CPVL: variants seen among roughly 807,000 people sequenced by gnomAD.
CPVL encodes carboxypeptidase vitellogenic like, also known as probable serine carboxypeptidase CPVL.
A neutral mutation model predicts 63.7 loss-of-function variants in CPVL; 51 were observed. The observed-to-expected ratio is 0.80, with a 90% CI of 0.64 to 1.01. The LOEUF (loss-of-function observed/expected upper bound fraction) is 1.01. Ranked by LOEUF, CPVL falls within the 50% of genes least tolerant of loss-of-function variation. CPVL has a pLI of 0.00. For missense variants in CPVL, 530 were observed against 573.1 expected, an observed-to-expected ratio of 0.92 and a Z score of 0.77; for synonymous variants, 195 against 206.0, an observed-to-expected ratio of 0.95 and a Z score of 0.46.
chr7:29,077,005 T>C (rs1024927364), intron 7 of CPVL, among the ~76,000 whole-genome samples: 2 of 152,194 alleles, frequency 1.3e-5, no homozygotes, highest in Admixed American at 1.3e-4. Context: ...CACAATGAAA[T>C]TGGATGTAGA....
intron 5 of CPVL, among the ~76,000 whole-genome samples, chr7:29,163,950 G>C (rs1289798693): frequency 1.3e-5 from 2 of 152,184 alleles, no homozygotes; most frequent in African/African-American, 4.8e-5. Context: ...CCCAGCTTTT[G>C]ACTATTACAA....
intron 1 of CPVL, among the ~76,000 whole-genome samples, chr7:29,125,826 A>G (rs1405991738): frequency 6.6e-6 from 1 of 152,232 alleles, no homozygotes; most frequent in Non-Finnish European, 1.5e-5. Flanking sequence ...TAAACAAATG[A>G]ATAAAAAGAA....
chr7:29,096,367 C>T, intron 3 of CPVL, 150 bp from the exon 4 acceptor site: 1 of 644,638 alleles, frequency 1.6e-6, no homozygotes, highest in Non-Finnish European at 2.8e-6. Context: ...CCACTCTCCA[C>T]TATGAGCAAA....
intron 12 of CPVL, among the ~76,000 whole-genome samples, chr7:29,024,355 G>A (rs990430371): frequency 7.2e-5 from 11 of 152,164 alleles, no homozygotes; most frequent in Admixed American, 3.3e-4. Context: ...ACACCATAAA[G>A]CAGGCAACCA....
At chr7:29,027,611 G>A (rs1005451127) in intron 12 of CPVL, among the ~76,000 whole-genome samples, 1 of 151,974 alleles carries the variant, frequency 6.6e-6, no homozygotes, top group Non-Finnish European at 1.5e-5. Flanking sequence ...TTTTAGAACT[G>A]ATAAATGAAT....
chr7:29,047,488 A>C (rs1386016243), intron 11 of CPVL, among the ~76,000 whole-genome samples: 1 of 152,170 alleles, frequency 6.6e-6, no homozygotes, highest in Non-Finnish European at 1.5e-5. Flanking sequence ...AGCAAAGATA[A>C]ATTTTTAAAA....
chr7:29,141,318 G>C (rs1791851633), intron 1 of CPVL, among the ~76,000 whole-genome samples: 1 of 152,206 alleles, frequency 6.6e-6, no homozygotes, highest in Admixed American at 6.5e-5. Flanking sequence ...TTGGGAGGCT[G>C]AGGTGGGCGG....
In CPVL at chr7:29,033,990, C is replaced by A. The variant is rs527402134; in HGVS notation, c.1138-3231G>T. Among the ~76,000 whole-genome samples, 15 of 152,260 alleles carry A rather than the reference C, an allele frequency of 9.9e-5. No homozygotes were observed. In the South Asian group the frequency reaches 3.1e-3, roughly 32 times the overall value. On this transcript the variant is annotated intron_variant, in intron 11 of 12. Transcript: ENST00000265394. ...TCACATATTTAAAAATGCTTCAAAC[C>A]TGGGGAAAGAACAAATCAAAATACA...
At position 29,095,068 on chromosome 7, in the gene CPVL, G is replaced by T. The variant is rs1365221289; in HGVS notation, c.462+16C>A. On this transcript the variant is annotated intron_variant, in intron 5 of 12. Coordinates refer to ENST00000265394, the MANE Select transcript of CPVL (RefSeq NM_031311.5). ...GACGCCAGCACTGACAGCTCACAGG[G>T]TCATCCCGGACTTACTGGATTGTCA... 3 of 1,607,790 alleles carry T rather than the reference G, an allele frequency of 1.9e-6. No individual in the cohort carries two copies. The highest frequency in any genetic ancestry group is 2.6e-6 in the Non-Finnish European group (3 of 1,174,280).
At chr7:29,081,074 T>A (rs188964256) in intron 7 of CPVL, among the ~76,000 whole-genome samples, 6 of 152,168 alleles carry the variant, frequency 3.9e-5, no homozygotes, top group African/African-American at 1.4e-4. Context: ...CAATGGGCGG[T>A]CCCCCTGATC....
At chr7:29,093,111 C>T (rs954591996) in intron 5 of CPVL, among the ~76,000 whole-genome samples, 18 of 152,044 alleles carry the variant, frequency 1.2e-4, no homozygotes, top group African/African-American at 4.1e-4. Flanking sequence ...TCTTGGTTGG[C>T]GCAGTGGCTC....
intron 12 of CPVL, among the ~76,000 whole-genome samples, chr7:29,019,323 C>A (rs2128141531): frequency 6.6e-6 from 1 of 152,262 alleles, no homozygotes; most frequent in Admixed American, 6.5e-5. Context: ...TAAAATGGCA[C>A]CAATACCAAA....
intron 11 of CPVL, among the ~76,000 whole-genome samples, chr7:29,037,829 T>C (rs1788698685): frequency 6.6e-6 from 1 of 152,132 alleles, no homozygotes; most frequent in Admixed American, 6.5e-5. Context: ...TGGCCCTGCC[T>C]CAGCCCCGCA....
intron 1 of CPVL, among the ~76,000 whole-genome samples, chr7:29,143,316 G>C (rs1458107320): frequency 6.6e-6 from 1 of 152,164 alleles, no homozygotes; most frequent in Non-Finnish European, 1.5e-5. Flanking sequence ...CAGGCAAACA[G>C]TAGGAACTAA....
rs1286765574 is a variant in CPVL at position 29,030,547 on chromosome 7, C to T, written c.1320+30G>A. ...TTTCAATCCCGCTCTCCCATTCCCA[C>T]AACCTGCCTGCTCCCAAGCATCTTC... On this transcript the variant is annotated intron_variant, in intron 12 of 12. Coordinates refer to ENST00000265394, the MANE Select transcript of CPVL (RefSeq NM_031311.5). The T allele has an allele frequency of 4.4e-6, 7 of 1,596,384 alleles. No homozygotes were observed. The Admixed American group carries it at 8.5e-5, about 19-fold the overall frequency.
At chr7:29,190,076 G>A (rs1782697671) in intron 1 of CPVL, among the ~76,000 whole-genome samples, 1 of 152,230 alleles carries the variant, frequency 6.6e-6, no homozygotes, top group African/African-American at 2.4e-5. Flanking sequence ...GAAACAGCGG[G>A]TTTCTCAGCT....
chr7:29,050,274 C>T (rs1438111804), intron 11 of CPVL, among the ~76,000 whole-genome samples: 1 of 152,100 alleles, frequency 6.6e-6, no homozygotes, highest in Non-Finnish European at 1.5e-5. Context: ...CTCCAGAAAG[C>T]TCCTAGAACT....
chr7:29,035,284 C>T (rs543798150), intron 11 of CPVL, among the ~76,000 whole-genome samples: 1 of 152,292 alleles, frequency 6.6e-6, no homozygotes, highest in East Asian at 1.9e-4. Flanking sequence ...TGTGAGGCAA[C>T]AGAATGAGTC....
chr7:29,026,386 C>A (rs1049458500), intron 12 of CPVL, among the ~76,000 whole-genome samples: 9 of 151,936 alleles, frequency 5.9e-5, no homozygotes, highest in Non-Finnish European at 1.0e-4. Flanking sequence ...TTTAAATATA[C>A]AACCTAAAGA....
Sources: gnomAD v4.1 joint callset for allele counts (sites outside exome capture counted in the v4.1 genomes callset) on GRCh38, gnomAD v4.1.1 for gene constraint, MANE v1.5 for transcripts, NCBI Gene and HGNC (gene_info 2026-07-23, HGNC 2026-07-21) for gene names.